The following DAB1 variants were observed in gnomAD, a reference collection of about 807,000 sequenced individuals.
DAB1 encodes DAB adaptor protein 1, also known as disabled homolog 1.
A neutral mutation model predicts 64.6 loss-of-function variants in DAB1; 15 were observed. That is an observed-to-expected ratio of 0.23 (90% CI 0.16 to 0.36). DAB1 has a LOEUF of 0.36. Ranked by LOEUF, DAB1 falls within the 10% of genes least tolerant of loss-of-function variation. The pLI, the probability that DAB1 is intolerant of heterozygous loss-of-function variation, is 1.00. For missense variants in DAB1, 596 were observed against 706.7 expected (o/e 0.84, Z 1.78); for synonymous variants, 235 against 251.9 (o/e 0.93, Z 0.64).
intron 5 of DAB1, among the ~76,000 whole-genome samples, chr1:58,050,719 CG>C (rs1479865321): frequency 5.9e-5 from 9 of 151,958 alleles, no homozygotes. Flanking sequence ...TTAGTAGAGA[CG>C]GGGTCTCACC....
chr1:57,976,077 GC>G (rs1302112139), intron 5 of DAB1, among the ~76,000 whole-genome samples: 1 of 152,182 alleles, frequency 6.6e-6, no homozygotes, highest in Non-Finnish European at 1.5e-5. Context: ...AGAGCACCAA[GC>G]CCCCCAAGAT....
intron 2 of DAB1, among the ~76,000 whole-genome samples, chr1:57,224,849 A>T (rs1667140408): frequency 6.6e-6 from 1 of 152,224 alleles, no homozygotes; most frequent in African/African-American, 2.4e-5. Context: ...CTGTGATTAA[A>T]GGATTGGAAC....
intron 5 of DAB1, among the ~76,000 whole-genome samples, chr1:57,930,829 C>G (rs1212378219): frequency 3.9e-5 from 6 of 151,930 alleles, no homozygotes; most frequent in Non-Finnish European, 5.9e-5. Flanking sequence ...TTCTTTCTTC[C>G]CAATCAGTTT....
At chr1:57,377,950 G>A (rs1681045325) in intron 1 of DAB1, among the ~76,000 whole-genome samples, 1 of 152,182 alleles carries the variant, frequency 6.6e-6, no homozygotes. Context: ...GTCTGGTGGA[G>A]GAAGATGGCT....
intron 9 of DAB1, among the ~76,000 whole-genome samples, chr1:57,027,544 G>C (rs1570536887): frequency 6.6e-6 from 1 of 152,184 alleles, no homozygotes; most frequent in South Asian, 2.1e-4. Flanking sequence ...GGCCCAGATA[G>C]TAGCTACCCC....
intron 1 of DAB1, among the ~76,000 whole-genome samples, chr1:57,421,988 C>T (rs1353341438): frequency 6.6e-6 from 1 of 150,644 alleles, no homozygotes; most frequent in Admixed American, 6.6e-5. Context: ...AGTTCCGGTG[C>T]CATCCAGAAT....
intron 2 of DAB1, among the ~76,000 whole-genome samples, chr1:57,235,440 A>C (rs1668021276): frequency 6.6e-6 from 1 of 152,212 alleles, no homozygotes; most frequent in Non-Finnish European, 1.5e-5. Flanking sequence ...TGGGCCTAGC[A>C]CAGGGCCTGG....
At chr1:57,748,932 T>G (rs1347217367) in intron 6 of DAB1, among the ~76,000 whole-genome samples, 3 of 152,234 alleles carry the variant, frequency 2.0e-5, no homozygotes, top group Admixed American at 2.0e-4. Flanking sequence ...AAATTGTGCA[T>G]GAATAGAGAC....
chr1:58,043,797 G>A (rs1647179302), intron 5 of DAB1, among the ~76,000 whole-genome samples: 1 of 151,918 alleles, frequency 6.6e-6, no homozygotes, highest in South Asian at 2.1e-4. Flanking sequence ...GCACGATCTC[G>A]GCTTACTGCA....
intron 7 of DAB1, among the ~76,000 whole-genome samples, chr1:57,431,566 C>T (rs1375372179): frequency 6.6e-6 from 1 of 152,190 alleles, no homozygotes; most frequent in Non-Finnish European, 1.5e-5. Context: ...CATTACTAAA[C>T]TTGACTCTGG....
chr1:57,813,996 G>A (rs1230776374), intron 6 of DAB1, among the ~76,000 whole-genome samples: 1 of 152,106 alleles, frequency 6.6e-6, no homozygotes, highest in Non-Finnish European at 1.5e-5. Context: ...GAACTTTTTG[G>A]ATGTCCAATT....
intron 2 of DAB1, among the ~76,000 whole-genome samples, chr1:57,253,213 G>A (rs1250278095): frequency 2.0e-5 from 3 of 152,104 alleles, no homozygotes; most frequent in Non-Finnish European, 2.9e-5. Context: ...TAACAGAAGC[G>A]GCCACGGGAG....
chr1:57,042,068 C>T (rs775347910), intron 9 of DAB1, among the ~76,000 whole-genome samples: 13 of 152,094 alleles, frequency 8.5e-5, no homozygotes, highest in Non-Finnish European at 1.8e-4. Context: ...CATTTTGTAA[C>T]AAGGAAACAG....
intron 5 of DAB1, among the ~76,000 whole-genome samples, chr1:57,901,416 T>C (rs1429589444): frequency 1.3e-5 from 2 of 152,122 alleles, no homozygotes; most frequent in African/African-American, 2.4e-5. Context: ...TCCATATTTC[T>C]CTTCAACCAT....
At chr1:58,408,405 T>C (rs1644637501) in intron 3 of DAB1, among the ~76,000 whole-genome samples, 1 of 152,244 alleles carries the variant, frequency 6.6e-6, no homozygotes, top group African/African-American at 2.4e-5. Flanking sequence ...ACAAGTGTTA[T>C]TTCATTATAT....
intron 5 of DAB1, among the ~76,000 whole-genome samples, chr1:57,935,797 C>T (rs1220196071): frequency 6.6e-6 from 1 of 152,198 alleles, no homozygotes; most frequent in Admixed American, 6.5e-5. Context: ...ACAGATTCTT[C>T]CTGGAAGCTC....
chr1:57,757,190 G>A lies in DAB1; in HGVS notation n.552-107525C>T, dbSNP rs1371101389. Among the ~76,000 whole-genome samples, 8 of 97,258 alleles carry A rather than the reference G, an allele frequency of 8.2e-5. No homozygotes were observed. The East Asian group carries it at 2.4e-3, about 29-fold the overall frequency. 63.8% of individuals were successfully genotyped at this position (97,258 alleles called of 152,430 possible). ...AGGTGAGGTCCATGCTGCTGGCCCA[G>A]GGGCAGAATTTTTTTTTTTTTTTTT... On this transcript the variant is annotated intron_variant and non_coding_transcript_variant, in intron 6 of 20. Transcript: ENST00000485760.
chr1:58,200,815 T>C (rs576842159), intron 4 of DAB1, among the ~76,000 whole-genome samples: 20 of 152,328 alleles, frequency 1.3e-4, no homozygotes, highest in African/African-American at 4.3e-4. Flanking sequence ...ATTCACCTAC[T>C]GACATGTGCA....
chr1:57,640,575 A>C (rs532405611), intron 7 of DAB1, among the ~76,000 whole-genome samples: 12 of 152,236 alleles, frequency 7.9e-5, no homozygotes, highest in African/African-American at 2.9e-4. Flanking sequence ...CCACTTCAAA[A>C]AGCTTATTGC....
Sources: gnomAD v4.1 joint callset for allele counts (sites outside exome capture counted in the v4.1 genomes callset) on GRCh38, gnomAD v4.1.1 for gene constraint, MANE v1.5 for transcripts, NCBI Gene and HGNC (gene_info 2026-07-23, HGNC 2026-07-21) for gene names.